Variants in GOLGA4 observed in about 807,000 individuals in gnomAD.
GOLGA4 encodes the protein golgin subfamily A member 4.
GOLGA4 carries 169 observed loss-of-function variants against 265.9 expected under a neutral mutation model. That is an observed-to-expected ratio of 0.64 (90% CI 0.56 to 0.72). The LOEUF is 0.72. GOLGA4 is among the 30% of genes least tolerant of loss of function. The pLI, the probability that GOLGA4 is intolerant of heterozygous loss-of-function variation, is 0.00. For synonymous variants in GOLGA4, 923 were observed against 855.8 expected, an observed-to-expected ratio of 1.08 and a Z score of -1.37; for missense variants, 2,482 against 2,483.4, an observed-to-expected ratio of 1.00 and a Z score of 0.01.
At chr3:37,362,800 T>TTTTTA (rs1696426796) in intron 23 of GOLGA4, among the ~76,000 whole-genome samples, 1 of 144,732 alleles carries the variant, frequency 6.9e-6, no homozygotes, top group African/African-American at 2.6e-5. Flanking sequence ...TTTTTTTTTT[T>TTTTTA]GAGACGGAGT....
Position 37,258,055 on chromosome 3 carries a change from A to ATGTATGTATATATGTATATATATATGTG in GOLGA4, c.162+6577_162+6604dup, listed in dbSNP as rs2096757958. 3.8e-5 allele frequency among the ~76,000 whole-genome samples: 3 copies of ATGTATGTATATATGTATATATATATGTG among 79,406 alleles called. 1 individual carries two copies. In the South Asian group the frequency reaches 8.5e-4, roughly 22 times the overall value. The allele number at this position is 79,406 out of a possible 152,430, so 52.1% of individuals were successfully genotyped here. A position where few individuals can be genotyped will look rare whatever the true frequency, so the allele number is the denominator to read the frequency against. On this transcript the variant is annotated intron_variant, in intron 2 of 23. Transcript: ENST00000361924. ...TATGTATATATACATACATATATAT[A>ATGTATGTATATATGTATATATATATGTG]TGTATGTATATATGTATATATATAT...
intron 7 of GOLGA4, among the ~76,000 whole-genome samples, chr3:37,298,584 G>T (rs901212448): frequency 2.6e-5 from 4 of 152,196 alleles, no homozygotes; most frequent in African/African-American, 4.8e-5. Context: ...AGGCAATCTA[G>T]TCTCCAGGCA....
intron 18 of GOLGA4, among the ~76,000 whole-genome samples, chr3:37,337,463 G>A (rs990184514): frequency 2.6e-5 from 4 of 151,968 alleles, no homozygotes; most frequent in Non-Finnish European, 5.9e-5. Context: ...CCCCTGCCTC[G>A]GCTTTCCAAA....
At chr3:37,295,561 T>C (rs1012907924) in intron 6 of GOLGA4, among the ~76,000 whole-genome samples, 3 of 152,266 alleles carry the variant, frequency 2.0e-5, no homozygotes, top group African/African-American at 7.2e-5. Context: ...ATTGTATCTT[T>C]TGACTAACTG....
At chr3:37,334,367 TC>T (rs2150995983) in intron 16 of GOLGA4, among the ~76,000 whole-genome samples, 1 of 152,262 alleles carries the variant, frequency 6.6e-6, no homozygotes, top group African/African-American at 2.4e-5. Flanking sequence ...GGACAGTAAC[TC>T]ATTTTTTTTT....
chr3:37,315,381 A>G, intron 10 of GOLGA4, 39 bp from the exon 11 acceptor site: 1 of 1,536,800 alleles, frequency 6.5e-7, no homozygotes, highest in Non-Finnish European at 8.9e-7. Flanking sequence ...CAATGATAAT[A>G]TTTCTTGAGA....
chr3:37,311,567 T>C (rs1205974049), intron 10 of GOLGA4, among the ~76,000 whole-genome samples: 1 of 152,208 alleles, frequency 6.6e-6, no homozygotes, highest in East Asian at 1.9e-4. Flanking sequence ...GGCTTATATA[T>C]TCAAGTTGAT....
intron 10 of GOLGA4, among the ~76,000 whole-genome samples, chr3:37,305,749 C>G (rs746981725): frequency 3.3e-5 from 5 of 152,164 alleles, no homozygotes; most frequent in Non-Finnish European, 5.9e-5. Context: ...AAACTCTTAT[C>G]TAGAAAATAA....
At position 37,323,653 on chromosome 3, in the gene GOLGA4, T is replaced by C. The variant is rs779654645; in HGVS notation, c.1767T>C (p.Asp589=). 3.8e-6 allele frequency: 6 copies of C among 1,592,154 alleles called. No homozygotes were observed. In the African/African-American group the frequency reaches 8.2e-5, roughly 22 times the overall value. Residue 589 remains aspartate (D), a synonymous_variant, in exon 14 of 24, where the codon GAT becomes GAC. Transcript: ENST00000361924. The part of the protein sequence containing the change: ...SLQENKNQSK[D]LAVHLEAEKN... Reference sequence around the variant, plus strand: ...AAGAAAACAAAAATCAGTCAAAAGATTTGGCTGTTCATCTGGAAGCTGAAA... The same window carrying C: ...AAGAAAACAAAAATCAGTCAAAAGACTTGGCTGTTCATCTGGAAGCTGAAA...
At chr3:37,331,946 G>A (rs2096991891) in intron 16 of GOLGA4, among the ~76,000 whole-genome samples, 1 of 152,096 alleles carries the variant, frequency 6.6e-6, no homozygotes, top group Admixed American at 6.5e-5. Context: ...GAATCATGTT[G>A]CTTGTTCCTC....
intron 2 of GOLGA4, among the ~76,000 whole-genome samples, chr3:37,278,406 T>C (rs1417736858): frequency 6.6e-6 from 1 of 152,162 alleles, no homozygotes; most frequent in Admixed American, 6.5e-5. Flanking sequence ...TTTCACCATG[T>C]TGGCCAGTCT....
At chr3:37,292,913 A>G (rs1206659191) in intron 5 of GOLGA4, among the ~76,000 whole-genome samples, 2 of 152,222 alleles carry the variant, frequency 1.3e-5, no homozygotes, top group African/African-American at 4.8e-5. Context: ...AGGAAAAGTA[A>G]AAAATATGCT....
In GOLGA4 at chr3:37,259,394, A is replaced by C. The variant is rs186849488; in HGVS notation, c.162+7910A>C. Among the ~76,000 whole-genome samples, 40 of 152,366 alleles carry C rather than the reference A, an allele frequency of 2.6e-4. No homozygotes were observed. The East Asian group carries it at 6.0e-3, about 23-fold the overall frequency. Reference sequence around the variant, plus strand: ...AACAGCTCCTGAGTCTCAGGCAGTCACAGCAGTCAAGTCTGTCAATTGCAG... The same window carrying C: ...AACAGCTCCTGAGTCTCAGGCAGTCCCAGCAGTCAAGTCTGTCAATTGCAG... On this transcript the variant is annotated intron_variant, in intron 2 of 23. Transcript: ENST00000361924.
At chr3:37,299,820 C>A (rs1001661224) in intron 9 of GOLGA4, among the ~76,000 whole-genome samples, 1 of 150,744 alleles carries the variant, frequency 6.6e-6, no homozygotes, top group Non-Finnish European at 1.5e-5. Flanking sequence ...GAGGCTGAGG[C>A]GGGAGGATTG....
At chr3:37,356,715 A>G (rs530831362) in intron 22 of GOLGA4, among the ~76,000 whole-genome samples, 1 of 152,284 alleles carries the variant, frequency 6.6e-6, no homozygotes, top group Admixed American at 6.5e-5. Context: ...AAAAATTTCT[A>G]ATGCAGTTTG....
At chr3:37,314,743 A>G (rs753233762) in intron 10 of GOLGA4, among the ~76,000 whole-genome samples, 3 of 151,802 alleles carry the variant, frequency 2.0e-5, no homozygotes, top group Non-Finnish European at 4.4e-5. Context: ...ATTCTTCCTT[A>G]TCTTACCCAA....
At chr3:37,257,909 A>G (rs7634775) in intron 2 of GOLGA4, among the ~76,000 whole-genome samples, 1 of 126,972 alleles carries the variant, frequency 7.9e-6, no homozygotes, top group African/African-American at 3.0e-5. Context: ...ATATATATAT[A>G]TATATGTATG....
At chr3:37,339,152 G>A (rs1028485107) in intron 19 of GOLGA4, among the ~76,000 whole-genome samples, 10 of 152,188 alleles carry the variant, frequency 6.6e-5, no homozygotes, top group East Asian at 1.9e-4. Flanking sequence ...ATGAGCCACC[G>A]TGCCCGGCCT....
At chr3:37,356,402 G>A (rs2097091158) in intron 22 of GOLGA4, among the ~76,000 whole-genome samples, 1 of 151,982 alleles carries the variant, frequency 6.6e-6, no homozygotes, top group African/African-American at 2.4e-5. Context: ...ATATTGTATT[G>A]TATTATATAC....
Sources: gnomAD v4.1 joint callset for allele counts (sites outside exome capture counted in the v4.1 genomes callset) on GRCh38, gnomAD v4.1.1 for gene constraint, MANE v1.5 for transcripts, NCBI Gene and HGNC (gene_info 2026-07-23, HGNC 2026-07-21) for gene names.